Variants in GRIK2 observed in about 807,000 individuals in gnomAD.
The protein encoded by GRIK2 is glutamate ionotropic receptor kainate type subunit 2.
In GRIK2, 32 loss-of-function variants were observed where a neutral mutation model predicts 100.3. That is an observed-to-expected ratio of 0.32 (90% CI 0.24 to 0.43). The LOEUF (loss-of-function observed/expected upper bound fraction) is 0.43. Ranked by LOEUF, GRIK2 falls within the 20% of genes least tolerant of loss-of-function variation. The probability of loss-of-function intolerance (pLI) is 1.00; values close to 1 mark genes in which losing one functional copy is unlikely to be tolerated. For missense variants in GRIK2, 843 were observed against 1,114.9 expected (o/e 0.76, Z 3.47); for synonymous variants, 417 against 389.4 (o/e 1.07, Z -0.83).
In GRIK2 at chr6:101,792,844, C is replaced by G. The variant is rs918093069; in HGVS notation, c.952-6804C>G. Among the ~76,000 whole-genome samples, 13 of 152,254 alleles carry G rather than the reference C, an allele frequency of 8.5e-5. No homozygotes were observed. In the South Asian group the frequency reaches 1.2e-3, roughly 15 times the overall value. On this transcript the variant is annotated intron_variant, in intron 7 of 16. Transcript: ENST00000369134. ...ATTCTCCCCGTCTCTTTCAGGTACA[C>G]CAATCAGATGTAGATTTGGTCTTTT... is the stretch of plus-strand genomic sequence containing the variant.
intron 14 of GRIK2, among the ~76,000 whole-genome samples, chr6:102,011,162 G>T (rs1795511133): frequency 6.6e-6 from 1 of 152,130 alleles, no homozygotes. Context: ...ATTCCCACTA[G>T]CAATGAGTGA....
At chr6:101,757,937 A>G (rs1454895225) in intron 7 of GRIK2, among the ~76,000 whole-genome samples, 1 of 152,230 alleles carries the variant, frequency 6.6e-6, no homozygotes. Flanking sequence ...GGCATTAAGA[A>G]ATAATCACAA....
intron 12 of GRIK2, among the ~76,000 whole-genome samples, chr6:101,906,097 A>T (rs1486883754): frequency 6.6e-6 from 1 of 151,596 alleles, no homozygotes; most frequent in African/African-American, 2.4e-5. Flanking sequence ...CAAAAATTCC[A>T]CTCATTGAGA....
At chr6:101,769,761 T>C (rs935482468) in intron 7 of GRIK2, among the ~76,000 whole-genome samples, 1 of 152,192 alleles carries the variant, frequency 6.6e-6, no homozygotes, top group Non-Finnish European at 1.5e-5. Context: ...AGGTATTTAT[T>C]TGAAAATAAA....
chr6:101,960,691 A>G (rs1447205002), intron 14 of GRIK2, among the ~76,000 whole-genome samples: 3 of 152,132 alleles, frequency 2.0e-5, no homozygotes, highest in African/African-American at 7.2e-5. Context: ...TACTCGGCCT[A>G]TGAGCAGGAC....
chr6:101,486,812 G>C (rs975454920), intron 2 of GRIK2, among the ~76,000 whole-genome samples: 2 of 146,648 alleles, frequency 1.4e-5, no homozygotes, highest in Admixed American at 6.8e-5. Context: ...TGATTTACAA[G>C]TGTCTCTCTC....
intron 2 of GRIK2, among the ~76,000 whole-genome samples, chr6:101,599,801 G>T (rs1310220040): frequency 6.6e-6 from 1 of 151,516 alleles, no homozygotes; most frequent in African/African-American, 2.4e-5. Flanking sequence ...TTTGGAATTA[G>T]AACTTAGTAA....
At chr6:101,741,254 A>G (rs992546209) in intron 7 of GRIK2, among the ~76,000 whole-genome samples, 1 of 152,186 alleles carries the variant, frequency 6.6e-6, no homozygotes, top group Non-Finnish European at 1.5e-5. Flanking sequence ...AAGAACTACC[A>G]AATATTCAAT....
chr6:101,819,756 C>T (rs1657021102), intron 10 of GRIK2, among the ~76,000 whole-genome samples: 1 of 152,136 alleles, frequency 6.6e-6, no homozygotes, highest in African/African-American at 2.4e-5. Flanking sequence ...GTAACTATTT[C>T]TTCTGCCTGT....
intron 7 of GRIK2, among the ~76,000 whole-genome samples, chr6:101,712,133 T>C (rs897756335): frequency 6.6e-6 from 1 of 151,840 alleles, no homozygotes; most frequent in African/African-American, 2.4e-5. Context: ...TGAAATTGAA[T>C]GGAACCAATC....
chr6:101,767,777 G>A (rs1477998965), intron 7 of GRIK2, among the ~76,000 whole-genome samples: 1 of 151,850 alleles, frequency 6.6e-6, no homozygotes, highest in African/African-American at 2.4e-5. Flanking sequence ...CATTATAATA[G>A]GAATATATTA....
chr6:101,575,728 C>T (rs181601997), intron 2 of GRIK2, among the ~76,000 whole-genome samples: 1 of 152,084 alleles, frequency 6.6e-6, no homozygotes, highest in East Asian at 1.9e-4. Context: ...ATAATCTTTA[C>T]ACCGTAAACC....
chr6:101,702,062 A>AGAACAGGTCAGTAGTAT (rs6149725), intron 7 of GRIK2, among the ~76,000 whole-genome samples: 1 of 151,720 alleles, frequency 6.6e-6, no homozygotes, highest in African/African-American at 2.4e-5. Context: ...TGGTATTCTT[A>AGAACAGGTCAGTAGTAT]TTTTTCTATA....
At chr6:101,781,096 T>G (rs1779059267) in intron 7 of GRIK2, among the ~76,000 whole-genome samples, 1 of 152,224 alleles carries the variant, frequency 6.6e-6, no homozygotes, top group South Asian at 2.1e-4. Context: ...ATTTTGTTTT[T>G]TTCTATTTAC....
chr6:101,973,212 G>A (rs1793166177), intron 14 of GRIK2, among the ~76,000 whole-genome samples: 1 of 151,768 alleles, frequency 6.6e-6, no homozygotes, highest in African/African-American at 2.4e-5. Flanking sequence ...TGTACAATCT[G>A]AGCCATTTTT....
chr6:101,778,712 T>G (rs1475923647), intron 7 of GRIK2, among the ~76,000 whole-genome samples: 2 of 152,216 alleles, frequency 1.3e-5, no homozygotes, highest in Non-Finnish European at 2.9e-5. Context: ...ACTAACGTTC[T>G]GTTCTGTATT....
At chr6:101,949,597 G>C (rs1791489411) in intron 14 of GRIK2, among the ~76,000 whole-genome samples, 1 of 152,128 alleles carries the variant, frequency 6.6e-6, no homozygotes, top group South Asian at 2.1e-4. Flanking sequence ...TTATAAGTGA[G>C]AATGTGTGGT....
intron 12 of GRIK2, among the ~76,000 whole-genome samples, chr6:101,904,332 A>C (rs1788077910): frequency 6.6e-6 from 1 of 151,544 alleles, no homozygotes; most frequent in South Asian, 2.1e-4. Context: ...ATAGTTTATG[A>C]CTTCATAGAA....
Position 101,984,655 on chromosome 6 carries a change from A to ACACACACC in GRIK2, c.2086-50685_2086-50684insACACACCC, listed in dbSNP as rs369665252. ...CACACACACACACACACACACACACACCCTTCAACTTTAACAGCATCTTTT... is the reference window on the plus strand; with the variant it reads ...CACACACACACACACACACACACACACACACACCCCCTTCAACTTTAACAGCATCTTTT... On this transcript the variant is annotated intron_variant, in intron 14 of 16. Transcript: ENST00000369134. Among the ~76,000 whole-genome samples, 428 of 148,708 alleles carry ACACACACC rather than the reference A, an allele frequency of 2.9e-3. 3 individuals are homozygous for ACACACACC. The highest frequency in any genetic ancestry group is 6.8e-3 in the Middle Eastern group (2 of 292).
Sources: allele counts gnomAD v4.1 joint callset (sites outside exome capture counted in the v4.1 genomes callset), GRCh38; gene constraint gnomAD v4.1.1; transcripts MANE v1.5; gene names NCBI Gene and HGNC (gene_info 2026-07-23, HGNC 2026-07-21).